Variants in SMCO2 observed in about 807,000 individuals in gnomAD.
SMCO2 encodes the protein single-pass membrane protein with coiled-coil domains 2.
SMCO2 carries 25 observed loss-of-function variants against 29.5 expected under a neutral mutation model. The observed-to-expected ratio is 0.85, with a 90% confidence interval of 0.62 to 1.18. The LOEUF is 1.18. Among genes scored for constraint, SMCO2 ranks in the 50% most tolerant of loss-of-function variants. SMCO2 has a pLI of 0.00. For synonymous variants in SMCO2, 117 were observed against 123.3 expected (o/e 0.95, Z 0.34); for missense variants, 348 against 344.5 (o/e 1.01, Z -0.08).
At chr12:27,440,547 G>A in the SMCO2 span, among the ~76,000 whole-genome samples, 1 of 151,530 alleles carries the variant, frequency 6.6e-6, no homozygotes, top group Non-Finnish European at 1.5e-5. Context: ...AATAGGTAGA[G>A]CAACCTGTTA....
At chr12:27,431,620 A>G in the SMCO2 span, among the ~76,000 whole-genome samples, 9 of 152,234 alleles carry the variant, frequency 5.9e-5, no homozygotes, top group Admixed American at 5.9e-4. Context: ...TCCATTGTAG[A>G]TCACATTTTA....
At chr12:27,494,200 T>G in intron 5 of SMCO2, 100 bp from the exon 7 acceptor site, 1 of 705,944 alleles carries the variant, frequency 1.4e-6, no homozygotes. Context: ...TAAACTTCAA[T>G]GAAGCATTTT....
intron 4 of SMCO2, among the ~76,000 whole-genome samples, chr12:27,477,978 T>A (rs1293663306): frequency 1.3e-5 from 2 of 152,188 alleles, no homozygotes; most frequent in Admixed American, 6.5e-5. Context: ...TCCTTTTTCA[T>A]GTTTCTTTGG....
the SMCO2 span, among the ~76,000 whole-genome samples, chr12:27,430,835 G>A: frequency 2.6e-5 from 4 of 152,066 alleles, no homozygotes; most frequent in East Asian, 5.8e-4. Flanking sequence ...ACTTAACAAG[G>A]TTACCCCACC....
chr12:27,495,682 C>T, exon 7 of SMCO2: 2 of 1,455,312 alleles, frequency 1.4e-6, no homozygotes, highest in Non-Finnish European at 9.2e-7. Context: ...TTTTTCAGGA[C>T]CTTTGCAAGA....
the SMCO2 span, among the ~76,000 whole-genome samples, chr12:27,450,329 G>T: frequency 2.6e-5 from 4 of 152,090 alleles, no homozygotes; most frequent in Admixed American, 2.6e-4. Context: ...ACTAGGCTGG[G>T]CTGCCTGACA....
intron 4 of SMCO2, among the ~76,000 whole-genome samples, chr12:27,477,210 GT>G (rs770789669): frequency 0.13 from 7,868 of 62,606 alleles, 175 homozygotes; most frequent in East Asian, 0.18. Context: ...TGGCTGTCAG[GT>G]TTTTTTTTTT....
intron 7 of SMCO2, among the ~76,000 whole-genome samples, chr12:27,501,570 A>G (rs1943078799): frequency 6.6e-6 from 1 of 150,450 alleles, no homozygotes; most frequent in South Asian, 2.1e-4. Context: ...GGGAAAATCT[A>G]ACTGCCTGTG....
the SMCO2 span, among the ~76,000 whole-genome samples, chr12:27,454,007 C>T: frequency 1.3e-5 from 2 of 152,044 alleles, no homozygotes; most frequent in Non-Finnish European, 2.9e-5. Flanking sequence ...GGGAGGGGGA[C>T]AGGGTCTCAC....
chr12:27,458,300 GTTAA>G, the SMCO2 span, among the ~76,000 whole-genome samples: 1 of 152,034 alleles, frequency 6.6e-6, no homozygotes, highest in Non-Finnish European at 1.5e-5. Context: ...TTACCAACTA[GTTAA>G]TTAAACTTCC....
At chr12:27,466,942 A>G (rs1949503179) in exon 1 of SMCO2, 1 of 152,204 alleles carries the variant, frequency 6.6e-6, no homozygotes, top group Admixed American at 6.5e-5. Flanking sequence ...GATATTTGGG[A>G]TTACCAAATT....
chr12:27,465,045 A>G (rs1592200890), upstream of SMCO2, among the ~76,000 whole-genome samples: 1 of 150,730 alleles, frequency 6.6e-6, no homozygotes, highest in East Asian at 1.9e-4. Flanking sequence ...AAAAAAAAAA[A>G]AAAAAAGAAA....
chr12:27,490,450 C>T (rs983271075), intron 5 of SMCO2, among the ~76,000 whole-genome samples: 5 of 152,078 alleles, frequency 3.3e-5, no homozygotes, highest in African/African-American at 1.2e-4. Context: ...TATTACACAA[C>T]AGAATGCATT....
the SMCO2 span, among the ~76,000 whole-genome samples, chr12:27,444,776 G>A: frequency 6.6e-6 from 1 of 152,180 alleles, no homozygotes; most frequent in Non-Finnish European, 1.5e-5. Context: ...AGAATAGTAT[G>A]GAGGCTGCTC....
the SMCO2 span, among the ~76,000 whole-genome samples, chr12:27,448,579 C>T: frequency 1.3e-5 from 2 of 152,208 alleles, no homozygotes; most frequent in African/African-American, 4.8e-5. Flanking sequence ...GACCCTTAAG[C>T]TCCTTAAGCC....
chr12:27,425,310 T>C, the SMCO2 span: 15 of 152,142 alleles, frequency 9.9e-5, no homozygotes, highest in Non-Finnish European at 1.0e-4. Flanking sequence ...TACTTTCTAA[T>C]GTGGAAACAT....
At chr12:27,428,318 C>G in the SMCO2 span, among the ~76,000 whole-genome samples, 1 of 152,050 alleles carries the variant, frequency 6.6e-6, no homozygotes. Context: ...CAACCTACAC[C>G]CAGGAATGAA....
intron 7 of SMCO2, chr12:27,497,340 A>T (rs1460449081): frequency 5.4e-6 from 1 of 185,818 alleles, no homozygotes; most frequent in Admixed American, 5.0e-5. Flanking sequence ...TTCTGTCAAG[A>T]TAGGATGAAT....
At chr12:27,495,008 C>G (rs907403508) in intron 6 of SMCO2, among the ~76,000 whole-genome samples, 4 of 152,066 alleles carry the variant, frequency 2.6e-5, no homozygotes, top group African/African-American at 9.7e-5. Flanking sequence ...TCCTAATTTC[C>G]ATTACCTCAA....
Sources: allele counts gnomAD v4.1 joint callset (sites outside exome capture counted in the v4.1 genomes callset), GRCh38; gene constraint gnomAD v4.1.1; transcripts MANE v1.5; gene names NCBI Gene and HGNC (gene_info 2026-07-23, HGNC 2026-07-21).